Variants in ADGRL2 observed in about 807,000 individuals in gnomAD.
ADGRL2 encodes adhesion G protein-coupled receptor L2.
Under a neutral mutation model 157.4 loss-of-function variants are expected in ADGRL2, and 44 were observed. That is an observed-to-expected ratio of 0.28 (90% confidence interval 0.22 to 0.36). ADGRL2 has a LOEUF of 0.36. Among genes scored for constraint, ADGRL2 ranks in the 10% least tolerant of loss-of-function variants. The pLI is 1.00. For synonymous variants in ADGRL2, 585 were observed against 624.7 expected (o/e 0.94, Z 0.95); for missense variants, 1,510 against 1,768.9 (o/e 0.85, Z 2.63).
intron 20 of ADGRL2, 39 bp from the exon 21 acceptor site, chr1:81,985,220 C>CG: frequency 8.1e-7 from 1 of 1,234,626 alleles, no homozygotes; most frequent in African/African-American, 1.5e-5. Context: ...TTTGGGGAAA[C>CG]TAACAAAACA....
intron 3 of ADGRL2, among the ~76,000 whole-genome samples, chr1:81,641,080 A>G (rs1301378863): frequency 4.6e-5 from 7 of 152,210 alleles, no homozygotes; most frequent in African/African-American, 1.7e-4. Context: ...TTCTCAGCTC[A>G]TTGGAACACT....
At chr1:81,506,389 A>G (rs1454748980) in intron 2 of ADGRL2, 1 of 152,190 alleles carries the variant, frequency 6.6e-6, no homozygotes, top group Non-Finnish European at 1.5e-5. Flanking sequence ...CAATTGATTT[A>G]TGCACTGTAT....
chr1:81,398,471 C>T (rs574436484), intron 1 of ADGRL2, among the ~76,000 whole-genome samples: 1 of 151,980 alleles, frequency 6.6e-6, no homozygotes, highest in Non-Finnish European at 1.5e-5. Context: ...TATCGATCTG[C>T]TCTACCAGTG....
At chr1:81,818,375 T>A (rs910873338) in intron 1 of ADGRL2, among the ~76,000 whole-genome samples, 1 of 152,206 alleles carries the variant, frequency 6.6e-6, no homozygotes, top group African/African-American at 2.4e-5. Flanking sequence ...ACATTCAAGA[T>A]GTAATTTTTG....
chr1:81,635,393 C>T (rs1456475487), intron 3 of ADGRL2, among the ~76,000 whole-genome samples: 1 of 152,192 alleles, frequency 6.6e-6, no homozygotes. Flanking sequence ...ACTTAGAAAG[C>T]ACTTCTCTCA....
At chr1:81,559,503 A>G (rs2080392105) in intron 2 of ADGRL2, among the ~76,000 whole-genome samples, 1 of 151,838 alleles carries the variant, frequency 6.6e-6, no homozygotes, top group Non-Finnish European at 1.5e-5. Context: ...TCAGAATTCA[A>G]TATGTATTTT....
At chr1:81,972,123 T>G (rs1227245132) in intron 17 of ADGRL2, among the ~76,000 whole-genome samples, 1 of 152,116 alleles carries the variant, frequency 6.6e-6, no homozygotes, top group Non-Finnish European at 1.5e-5. Context: ...AAAAAGTACT[T>G]TTTCTCATTT....
intron 16 of ADGRL2, among the ~76,000 whole-genome samples, chr1:81,971,348 T>G (rs1658677603): frequency 6.6e-6 from 1 of 152,306 alleles, no homozygotes; most frequent in South Asian, 2.1e-4. Flanking sequence ...TTTTCTAGCA[T>G]TTATCCATTC....
At chr1:81,563,416 C>T (rs1026888636) in intron 2 of ADGRL2, among the ~76,000 whole-genome samples, 4 of 152,032 alleles carry the variant, frequency 2.6e-5, no homozygotes, top group African/African-American at 9.7e-5. Context: ...TTACCAACCT[C>T]CTTTGTTAGA....
chr1:81,928,649 G>GT (rs1294542797), intron 3 of ADGRL2, among the ~76,000 whole-genome samples: 3 of 152,076 alleles, frequency 2.0e-5, no homozygotes, highest in African/African-American at 7.2e-5. Flanking sequence ...AAGAATGCAT[G>GT]TAATTCCTAT....
chr1:81,460,642 C>G (rs2077906498), intron 2 of ADGRL2, among the ~76,000 whole-genome samples: 1 of 152,152 alleles, frequency 6.6e-6, no homozygotes, highest in Non-Finnish European at 1.5e-5. Context: ...TGTATATTTA[C>G]TGTTTCCCCA....
rs950184786 is a variant in ADGRL2 at position 81,507,351 on chromosome 1, G to C, written c.-248+62262G>C. On this transcript the variant is annotated intron_variant, in intron 2 of 24. Transcript: ENST00000370721. ...CACTAGCATTAAGCAGTTCTAATAA[G>C]AGATTGATTTTACCAGTGCAGATAG... 7.2e-5 allele frequency among the ~76,000 whole-genome samples: 11 copies of C among 152,246 alleles called. No individual in the cohort carries two copies. In the East Asian group the frequency reaches 9.7e-4, roughly 13 times the overall value.
chr1:81,412,524 A>G (rs1424306121), intron 1 of ADGRL2, among the ~76,000 whole-genome samples: 3 of 152,214 alleles, frequency 2.0e-5, no homozygotes, highest in Admixed American at 6.5e-5. Flanking sequence ...CATGTCATGT[A>G]TCACATAGTG....
chr1:81,807,963 A>AT (rs923075334), intron 1 of ADGRL2, among the ~76,000 whole-genome samples: 14 of 151,578 alleles, frequency 9.2e-5, no homozygotes, highest in Admixed American at 3.3e-4. Flanking sequence ...TATTATTATT[A>AT]TTTTTTTACA....
At chr1:81,471,364 A>T (rs2078168422) in intron 2 of ADGRL2, among the ~76,000 whole-genome samples, 1 of 152,080 alleles carries the variant, frequency 6.6e-6, no homozygotes, top group African/African-American at 2.4e-5. Flanking sequence ...CATTCAGGAG[A>T]TGTTTTAAAT....
intron 1 of ADGRL2, among the ~76,000 whole-genome samples, chr1:81,418,719 A>T (rs1181874807): frequency 6.6e-6 from 1 of 152,206 alleles, no homozygotes; most frequent in African/African-American, 2.4e-5. Context: ...GGGCCTCTGC[A>T]CTCCAGCCTG....
intron 2 of ADGRL2, chr1:81,503,326 C>T (rs1274849818): frequency 3.7e-6 from 6 of 1,614,018 alleles, no homozygotes; most frequent in Admixed American, 1.7e-5. Flanking sequence ...TGCCCAGAAG[C>T]CTGTGGTCCA....
chr1:81,770,153 C>CA (rs2086297414), intron 2 of ADGRL2, among the ~76,000 whole-genome samples: 1 of 59,582 alleles, frequency 1.7e-5, no homozygotes, highest in African/African-American at 7.6e-5. Context: ...CTGCACCCAG[C>CA]TTTTTTTTTT....
At chr1:81,332,841 G>A (rs1347636675) in intron 1 of ADGRL2, among the ~76,000 whole-genome samples, 2 of 152,210 alleles carry the variant, frequency 1.3e-5, no homozygotes, top group East Asian at 1.9e-4. Flanking sequence ...TTCAGTTTTT[G>A]TGTTATTGTT....
Sources: allele counts gnomAD v4.1 joint callset (sites outside exome capture counted in the v4.1 genomes callset), GRCh38; gene constraint gnomAD v4.1.1; transcripts MANE v1.5; gene names NCBI Gene and HGNC (gene_info 2026-07-23, HGNC 2026-07-21).